XK: variants seen among roughly 807,000 people sequenced by gnomAD.
XK encodes endoplasmic reticulum membrane adapter protein XK.
Under a neutral mutation model 14.0 loss-of-function variants are expected in XK, and 2 were observed. The ratio of observed to expected loss-of-function variants is 0.14; its 90% CI spans 0.06 to 0.45. The LOEUF (loss-of-function observed/expected upper bound fraction) is 0.45, where lower values mean the gene tolerates loss of function less well. XK is among the 20% of genes least tolerant of loss of function. XK has a pLI of 0.98. For missense variants in XK, 235 were observed against 341.5 expected (o/e 0.69, Z 2.46); for synonymous variants, 149 against 147.5 (o/e 1.01, Z -0.08).
At chrX:37,707,347 G>A (rs1266133290) in intron 2 of XK, among the ~76,000 whole-genome samples, 4 of 110,060 alleles carry the variant, frequency 3.6e-5, no homozygotes, top group African/African-American at 3.3e-5. Flanking sequence ...GCTGCCGGGC[G>A]GAGATGCTCC....
intron 2 of XK, among the ~76,000 whole-genome samples, chrX:37,711,226 G>A (rs781823457): frequency 8.0e-5 from 9 of 112,515 alleles, no homozygotes; most frequent in African/African-American, 2.9e-4. Context: ...TGTGTAGCCT[G>A]GAGAGCTACA....
Position 37,730,307 on chromosome X carries a change from G to T in XK, c.*1845G>T, listed in dbSNP as rs1928061692. On this transcript the variant is annotated 3_prime_UTR_variant, in exon 3 of 3. Coordinates refer to ENST00000378616, the MANE Select transcript of XK (RefSeq NM_021083.4). The stretch of plus-strand genomic sequence containing the variant: ...TACTTCATACAACATATACTTCCAT[G>T]CACTCTTCATGTAATCACATATGTG... 1 of 112,051 alleles carries T rather than the reference G, an allele frequency of 8.9e-6. No individual in the cohort carries two copies. 9.2% of individuals were successfully genotyped at this position (112,051 alleles called of 1,213,427 possible).
At chrX:37,707,936 G>C (rs1205419297) in intron 2 of XK, among the ~76,000 whole-genome samples, 3 of 112,864 alleles carry the variant, frequency 2.7e-5, no homozygotes, top group African/African-American at 9.7e-5. Flanking sequence ...GAGTGAACGA[G>C]ACTCCGTCTG....
chrX:37,702,525 A>G (rs1330505346), intron 2 of XK, among the ~76,000 whole-genome samples: 2 of 112,150 alleles, frequency 1.8e-5, no homozygotes, highest in Admixed American at 1.9e-4. Flanking sequence ...GTAGCATTTG[A>G]AAATCAATAA....
chrX:37,691,395 T>G, intron 1 of XK, among the ~76,000 whole-genome samples: 1 of 112,554 alleles, frequency 8.9e-6, no homozygotes, highest in East Asian at 2.8e-4. Flanking sequence ...ATGAGGAAAA[T>G]AAAAGCTCTC....
At chrX:37,692,734 A>C (rs1225022230) in intron 1 of XK, among the ~76,000 whole-genome samples, 1 of 112,127 alleles carries the variant, frequency 8.9e-6, no homozygotes, top group Non-Finnish European at 1.9e-5. Flanking sequence ...TGATGTGATC[A>C]GTGGTCCAAC....
chrX:37,696,522 T>C (rs1927309827), intron 2 of XK, among the ~76,000 whole-genome samples: 1 of 112,405 alleles, frequency 8.9e-6, no homozygotes, highest in Admixed American at 9.4e-5. Flanking sequence ...ATGCAGGTCT[T>C]GACTAACCCC....
At chrX:37,705,754 T>C (rs1556444985) in intron 2 of XK, among the ~76,000 whole-genome samples, 4 of 109,602 alleles carry the variant, frequency 3.6e-5, no homozygotes, top group Non-Finnish European at 7.6e-5. Flanking sequence ...TTTCTTTCTT[T>C]CTTTCTTTTT....
intron 2 of XK, among the ~76,000 whole-genome samples, chrX:37,708,203 AGGGAGAGGGAGACCGTG>A (rs1304715502): frequency 9.0e-6 from 1 of 111,416 alleles, no homozygotes; most frequent in East Asian, 2.8e-4. Flanking sequence ...GTGGAAAGAG[AGGGAGAGGGAGACCGTG>A]GGGAGAGGGA....
At chrX:37,716,820 T>A (rs1433946352) in intron 2 of XK, among the ~76,000 whole-genome samples, 2 of 111,833 alleles carry the variant, frequency 1.8e-5, no homozygotes, top group African/African-American at 6.5e-5. Flanking sequence ...GTTTGTTTTT[T>A]TGGTGTAACT....
chrX:37,707,574 C>A (rs1212507837), intron 2 of XK, among the ~76,000 whole-genome samples: 2 of 109,007 alleles, frequency 1.8e-5, no homozygotes, highest in Admixed American at 9.6e-5. Context: ...TCAGACGGGG[C>A]GGCCGGGCAG....
rs781800438 is a variant in XK, at chrX:37,686,168, A to C, written c.207A>C (p.Val69=). The C allele has an allele frequency of 8.3e-7, 1 of 1,208,995 alleles. No homozygotes were observed. The highest frequency in any genetic ancestry group is 1.1e-6 in the Non-Finnish European group (1 of 894,574). The change falls in exon 1 of 3, where the codon GTA becomes GTC. Residue 69 remains valine, a synonymous_variant. Transcript: ENST00000378616. Reference sequence around the variant, plus strand: ...ACCTCAGCCGCGACCGCCCGCTCGTACTGCTGCTGCACCTGCTGCAACTTG... The same window carrying C: ...ACCTCAGCCGCGACCGCCCGCTCGTCCTGCTGCTGCACCTGCTGCAACTTG... ...HRDLSRDRPL[V]LLLHLLQLGP...
At chrX:37,715,018 G>C (rs981897349) in intron 2 of XK, among the ~76,000 whole-genome samples, 5 of 108,798 alleles carry the variant, frequency 4.6e-5, no homozygotes, top group Non-Finnish European at 7.6e-5. Flanking sequence ...TAGGTGTATA[G>C]TGTGTGTATA....
chrX:37,694,445 G>A lies in XK; in HGVS notation c.405G>A (p.Ala135=), dbSNP rs368021749. Residue 135 remains alanine (A), a synonymous_variant, in exon 2 of 3, where the codon GCG becomes GCA. Coordinates refer to ENST00000378616, the MANE Select transcript of XK (RefSeq NM_021083.4). ...GCAAACTAATCACCCACCGATCAGC[G>A]TTCAGCCGGGCGTCGGTGATCCAGG... ...AEGKLITHRS[A]FSRASVIQAF... 4.1e-5 allele frequency: 49 copies of A among 1,193,557 alleles called. 1 individual carries two copies. The African/African-American group carries it at 6.2e-4, about 15-fold the overall frequency.
In XK at chrX:37,728,136, C is replaced by G. The variant is rs782738122; in HGVS notation, c.1009C>G (p.Leu337Val). The stretch of plus-strand genomic sequence containing the variant: ...TGCCATCCTCCTCCTCCTGTGGTAT[C>G]TTTTCAAGACTGACATCTATATGTA... ...ENAILLLLWY[L>V]FKTDIYMYVC... Residue 337 changes from leucine (L) to valine (V), a missense_variant, in exon 3 of 3, where the codon CTT becomes GTT. Coordinates refer to ENST00000378616, the MANE Select transcript of XK (RefSeq NM_021083.4). The G allele has an allele frequency of 5.0e-6, 6 of 1,211,452 alleles. No individual in the cohort carries two copies. In the Admixed American group the frequency reaches 1.3e-4, roughly 26 times the overall value.
At chrX:37,687,218 C>CAG (rs1927099498) in intron 1 of XK, among the ~76,000 whole-genome samples, 1 of 108,174 alleles carries the variant, frequency 9.2e-6, no homozygotes, top group Non-Finnish European at 1.9e-5. Flanking sequence ...CACACACACA[C>CAG]ACACACACGC....
chrX:37,710,190 G>A (rs967825277), intron 2 of XK, among the ~76,000 whole-genome samples: 1 of 111,884 alleles, frequency 8.9e-6, no homozygotes, highest in Non-Finnish European at 1.9e-5. Context: ...TAACTTAATG[G>A]CTTTAAGTGA....
chrX:37,700,585 T>G (rs1927393390), intron 2 of XK, among the ~76,000 whole-genome samples: 1 of 111,222 alleles, frequency 9.0e-6, no homozygotes, highest in African/African-American at 3.3e-5. Flanking sequence ...CAGTTTCCAG[T>G]GGTTGGTGAG....
chrX:37,687,651 C>T (rs1465829216), intron 1 of XK, among the ~76,000 whole-genome samples: 6 of 110,062 alleles, frequency 5.5e-5, no homozygotes, highest in South Asian at 4.0e-4. Flanking sequence ...TGAGCTACCA[C>T]GCCTGGCCAT....
Sources: gnomAD v4.1 joint callset for allele counts (sites outside exome capture counted in the v4.1 genomes callset) on GRCh38, gnomAD v4.1.1 for gene constraint, MANE v1.5 for transcripts, NCBI Gene and HGNC (gene_info 2026-07-23, HGNC 2026-07-21) for gene names.